Variants in ZMAT4 observed in about 807,000 individuals in gnomAD.
The protein encoded by ZMAT4 is zinc finger matrin-type protein 4.
In ZMAT4, 17 loss-of-function variants were observed where a neutral mutation model predicts 28.7. The observed-to-expected ratio is 0.59, with a 90% CI of 0.41 to 0.89. The LOEUF (loss-of-function observed/expected upper bound fraction) is 0.89, where lower values mean the gene tolerates loss of function less well. Ranked by LOEUF, ZMAT4 falls within the 40% of genes least tolerant of loss-of-function variation. The pLI, the probability that ZMAT4 is intolerant of heterozygous loss-of-function variation, is 0.00. For missense variants in ZMAT4, 240 were observed against 283.8 expected, an observed-to-expected ratio of 0.85 and a Z score of 1.11; for synonymous variants, 117 against 109.2, an observed-to-expected ratio of 1.07 and a Z score of -0.44.
chr8:40,796,625 A>G (rs1284083305), intron 2 of ZMAT4, among the ~76,000 whole-genome samples: 2 of 152,172 alleles, frequency 1.3e-5, no homozygotes, highest in Non-Finnish European at 2.9e-5. Flanking sequence ...TAAATGCACT[A>G]CTTAGAATGA....
chr8:40,682,157 C>T (rs939533939), intron 4 of ZMAT4, among the ~76,000 whole-genome samples: 3 of 152,090 alleles, frequency 2.0e-5, no homozygotes, highest in African/African-American at 4.8e-5. Context: ...TATACTCCCC[C>T]ATGTAGATGG....
At chr8:40,680,393 C>T (rs1040015883) in intron 4 of ZMAT4, among the ~76,000 whole-genome samples, 3 of 152,030 alleles carry the variant, frequency 2.0e-5, no homozygotes, top group Non-Finnish European at 2.9e-5. Context: ...ACCCCAGCTT[C>T]GGAGGACAGA....
In ZMAT4 at chr8:40,664,184, G is replaced by A. The variant is rs574007995; in HGVS notation, c.577+10520C>T. On this transcript the variant is annotated intron_variant, in intron 5 of 6. Transcript: ENST00000297737. Reference sequence around the variant, plus strand: ...GGAAGTGGTGCTCAGAGACCTTCAAGTGTAATAGAAAGGGGAGCTTCCTCC... The same window carrying A: ...GGAAGTGGTGCTCAGAGACCTTCAAATGTAATAGAAAGGGGAGCTTCCTCC... Among the ~76,000 whole-genome samples the A allele has an allele frequency of 2.0e-5, 3 of 152,256 alleles. No individual in the cohort carries two copies. The South Asian group carries it at 6.2e-4, about 32-fold the overall frequency.
intron 2 of ZMAT4, among the ~76,000 whole-genome samples, chr8:40,818,647 G>A (rs1461968676): frequency 6.6e-6 from 1 of 152,182 alleles, no homozygotes; most frequent in Non-Finnish European, 1.5e-5. Flanking sequence ...TACCCAGTTA[G>A]CACTTGCATC....
chr8:40,842,063 G>T (rs1027663817), intron 1 of ZMAT4, among the ~76,000 whole-genome samples: 8 of 152,172 alleles, frequency 5.3e-5, no homozygotes, highest in Non-Finnish European at 1.0e-4. Flanking sequence ...GAAAGTATTA[G>T]GTCTTCCCTC....
At chr8:40,647,317 C>G (rs1156962853) in intron 5 of ZMAT4, among the ~76,000 whole-genome samples, 2 of 152,198 alleles carry the variant, frequency 1.3e-5, no homozygotes, top group Non-Finnish European at 2.9e-5. Flanking sequence ...GGGTGACAGA[C>G]AGCACCTGGA....
chr8:40,847,509 C>T (rs575031232), intron 1 of ZMAT4, among the ~76,000 whole-genome samples: 33 of 152,238 alleles, frequency 2.2e-4, no homozygotes, highest in African/African-American at 6.7e-4. Context: ...CAGCCAGGTG[C>T]GCTGAGGAAG....
chr8:40,642,641 C>T (rs943704672), intron 5 of ZMAT4, among the ~76,000 whole-genome samples: 3 of 152,202 alleles, frequency 2.0e-5, no homozygotes, highest in Non-Finnish European at 4.4e-5. Flanking sequence ...AGTTTAGCCT[C>T]TTCCCTAGAA....
At chr8:40,773,037 C>G (rs1381104893) in intron 2 of ZMAT4, among the ~76,000 whole-genome samples, 1 of 152,214 alleles carries the variant, frequency 6.6e-6, no homozygotes, top group East Asian at 1.9e-4. Flanking sequence ...GGAAAAGGTG[C>G]AGCATGGTCT....
chr8:40,730,955 A>C (rs553740221), intron 3 of ZMAT4, among the ~76,000 whole-genome samples: 2 of 152,156 alleles, frequency 1.3e-5, no homozygotes, highest in African/African-American at 2.4e-5. Flanking sequence ...GCAGCTACTC[A>C]TCTCCCAGCC....
intron 1 of ZMAT4, among the ~76,000 whole-genome samples, chr8:40,859,456 G>GCA (rs71546312): frequency 0.11 from 16,928 of 148,624 alleles, 1,007 homozygotes; most frequent in Non-Finnish European, 0.14. Context: ...GTCTAGCAAC[G>GCA]CACACACACA....
chr8:40,895,092 AG>A (rs758899574), intron 1 of ZMAT4, among the ~76,000 whole-genome samples: 2 of 152,208 alleles, frequency 1.3e-5, no homozygotes, highest in African/African-American at 2.4e-5. Context: ...TTTATTTGCC[AG>A]GTAACTCACG....
intron 6 of ZMAT4, among the ~76,000 whole-genome samples, chr8:40,534,827 CACG>C (rs1205093072): frequency 6.6e-6 from 1 of 151,904 alleles, no homozygotes; most frequent in Non-Finnish European, 1.5e-5. Context: ...GGATTACAGC[CACG>C]TGCTACCACA....
chr8:40,646,748 G>C (rs13271707), intron 5 of ZMAT4, among the ~76,000 whole-genome samples: 1 of 151,966 alleles, frequency 6.6e-6, no homozygotes, highest in Non-Finnish European at 1.5e-5. Context: ...TCATTCAACT[G>C]TAATAGTTAG....
At chr8:40,675,016 C>A in intron 4 of ZMAT4, 85 bp from the exon 5 acceptor site, 1 of 1,011,124 alleles carries the variant, frequency 9.9e-7, no homozygotes, top group South Asian at 1.5e-5. Context: ...GACCAAAAGT[C>A]TCCTGTTCAC....
At chr8:40,742,355 T>C (rs1348303239) in intron 3 of ZMAT4, among the ~76,000 whole-genome samples, 1 of 150,378 alleles carries the variant, frequency 6.6e-6, no homozygotes, top group African/African-American at 2.4e-5. Flanking sequence ...GGTTTATATA[T>C]ATAAATATAT....
chr8:40,878,746 G>C (rs563312029), intron 1 of ZMAT4, among the ~76,000 whole-genome samples: 166 of 152,348 alleles, frequency 1.1e-3, no homozygotes, highest in Admixed American at 3.1e-3. Context: ...CGGCAGGTGA[G>C]AGAAACCAGA....
chr8:40,673,884 A>G (rs1261552410), intron 5 of ZMAT4, among the ~76,000 whole-genome samples: 1 of 152,070 alleles, frequency 6.6e-6, no homozygotes, highest in Non-Finnish European at 1.5e-5. Context: ...GGGCAGGGGC[A>G]TGGTGCGGAG....
intron 6 of ZMAT4, among the ~76,000 whole-genome samples, chr8:40,544,626 A>T (rs912673220): frequency 6.6e-6 from 1 of 152,208 alleles, no homozygotes; most frequent in East Asian, 1.9e-4. Flanking sequence ...CTCAAATAAG[A>T]TTCACAGAAA....
Sources: allele counts gnomAD v4.1 joint callset (sites outside exome capture counted in the v4.1 genomes callset), GRCh38; gene constraint gnomAD v4.1.1; transcripts MANE v1.5; gene names NCBI Gene and HGNC (gene_info 2026-07-23, HGNC 2026-07-21).